MLPH: variants seen among roughly 807,000 people sequenced by gnomAD.
MLPH encodes melanophilin, also known as exophilin-3.
A neutral mutation model predicts 72.1 loss-of-function variants in MLPH; 51 were observed. The ratio of observed to expected loss-of-function variants is 0.71; its 90% CI spans 0.56 to 0.89. The LOEUF (loss-of-function observed/expected upper bound fraction) is 0.89. Ranked by LOEUF, MLPH falls within the 40% of genes least tolerant of loss-of-function variation. The probability of loss-of-function intolerance (pLI) is 0.00; values close to 1 mark genes in which losing one functional copy is unlikely to be tolerated. For synonymous variants in MLPH, 301 were observed against 310.1 expected, an observed-to-expected ratio of 0.97 and a Z score of 0.31; for missense variants, 743 against 759.9, an observed-to-expected ratio of 0.98 and a Z score of 0.26.
At chr2:237,513,344 G>A (rs1054339153) in intron 4 of MLPH, among the ~76,000 whole-genome samples, 2 of 152,096 alleles carry the variant, frequency 1.3e-5, no homozygotes, top group Admixed American at 1.3e-4. Context: ...TGGACTGGTC[G>A]CTGGGCACCC....
At chr2:237,504,051 C>T (rs114987205) in intron 2 of MLPH, among the ~76,000 whole-genome samples, 5,202 of 152,192 alleles carry the variant, frequency 0.034, 298 homozygotes, top group African/African-American at 0.12. Flanking sequence ...ACCTGAAGCC[C>T]TCAAGAAGCT....
chr2:237,545,403 T>C (rs2080893575), intron 12 of MLPH: 2 of 1,256,014 alleles, frequency 1.6e-6, no homozygotes, highest in South Asian at 2.6e-5. Context: ...TAGCCAGCTG[T>C]GCCTTTGTTG....
At chr2:237,527,735 T>C (rs560726839) in intron 8 of MLPH, 30 of 622,954 alleles carry the variant, frequency 4.8e-5, no homozygotes, top group Non-Finnish European at 6.5e-5. Flanking sequence ...TCCCCAAAAA[T>C]TAAAAATCGA....
chr2:237,520,276 G>A (rs2080152101), intron 6 of MLPH, among the ~76,000 whole-genome samples: 1 of 152,158 alleles, frequency 6.6e-6, no homozygotes, highest in South Asian at 2.1e-4. Flanking sequence ...GGCGATGCAG[G>A]GCCCTGAGAC....
At chr2:237,491,689 G>C (rs1210147949) in intron 1 of MLPH, among the ~76,000 whole-genome samples, 3 of 152,190 alleles carry the variant, frequency 2.0e-5, no homozygotes, top group East Asian at 1.9e-4. Context: ...CAGTGTCCCA[G>C]TGTGCATGCA....
chr2:237,531,070 G>A lies in MLPH; in HGVS notation c.1021-3494G>A, dbSNP rs541850051. On this transcript the variant is annotated intron_variant, in intron 8 of 15. Coordinates refer to ENST00000264605, the MANE Select transcript of MLPH (RefSeq NM_024101.7). ...CGGCTGCAAGTATCCTGTGTCATGC[G>A]GCAGCTGGGGGGTCCCAGAAAGCAT... Among the ~76,000 whole-genome samples, 12 of 152,300 alleles carry A rather than the reference G, an allele frequency of 7.9e-5. No homozygotes were observed. The South Asian group carries it at 1.5e-3, about 18-fold the overall frequency.
chr2:237,518,758 A>G, intron 5 of MLPH, 110 bp downstream of exon 5: 1 of 799,148 alleles, frequency 1.3e-6, no homozygotes, highest in Admixed American at 2.0e-5. Flanking sequence ...CAACTCCACT[A>G]GTTTCTACTG....
intron 14 of MLPH, among the ~76,000 whole-genome samples, chr2:237,551,198 C>T (rs1317540040): frequency 1.3e-5 from 2 of 152,246 alleles, no homozygotes; most frequent in Admixed American, 6.5e-5. Flanking sequence ...GCTCAGGAGT[C>T]GTGATCCCTC....
Position 237,520,034 on chromosome 2 carries a change from G to A in MLPH, c.675+5G>A, listed in dbSNP as rs1243575712. The A allele has an allele frequency of 6.2e-7, 1 of 1,613,756 alleles. No individual in the cohort carries two copies. Among genetic ancestry groups the A allele is most frequent in the Admixed American group, 1.7e-5 (1 of 60,006 alleles). On this transcript the variant is annotated splice_donor_5th_base_variant and intron_variant, in intron 6 of 15. Transcript: ENST00000264605. ...GAGGCCAGGGACAGCCCACAGGTCAGTGGGTCCTCGTGTCTTTCCCCTGCC... is the reference window on the plus strand; with the variant it reads ...GAGGCCAGGGACAGCCCACAGGTCAATGGGTCCTCGTGTCTTTCCCCTGCC...
chr2:237,508,260 C>T (rs1348411404), intron 2 of MLPH, among the ~76,000 whole-genome samples: 1 of 152,060 alleles, frequency 6.6e-6, no homozygotes, highest in Non-Finnish European at 1.5e-5. Context: ...TACAGGTGTC[C>T]ACCACTGTGC....
At chr2:237,520,131 G>C (rs1160531425) in intron 6 of MLPH, 102 bp downstream of exon 6, 1 of 1,509,474 alleles carries the variant, frequency 6.6e-7, no homozygotes. Context: ...AGTGTCTGAT[G>C]GCCACACAGT....
intron 5 of MLPH, among the ~76,000 whole-genome samples, chr2:237,519,304 C>T (rs528527358): frequency 7.0e-4 from 107 of 152,190 alleles, no homozygotes; most frequent in African/African-American, 2.4e-3. Flanking sequence ...CAACTCTTTG[C>T]GGCTGCTGTG....
At chr2:237,500,186 C>T (rs1021061359) in intron 2 of MLPH, among the ~76,000 whole-genome samples, 1 of 152,214 alleles carries the variant, frequency 6.6e-6, no homozygotes, top group African/African-American at 2.4e-5. Context: ...GCTGGAACTT[C>T]TTGGACTCTT....
Position 237,540,441 on chromosome 2 carries a change from G to C in MLPH, c.1198G>C (p.Glu400Gln), listed in dbSNP as rs772363110. The change falls in exon 10 of 16, where the codon GAG becomes CAG. Residue 400 changes from glutamate (E) to glutamine (Q), a missense_variant. By Grantham distance (29) the Glu-to-Gln change is conservative. Transcript: ENST00000264605. ...EELTSNVSDQ[E>Q]TSSEEEEAKD... ...GCTGACCAGCAACGTCAGTGACCAG[G>C]AGACCTCGTCCGAGGAGGAGGAAGC... 1.9e-6 allele frequency: 3 copies of C among 1,612,722 alleles called. No homozygotes were observed. The highest frequency in any genetic ancestry group is 2.5e-6 in the Non-Finnish European group (3 of 1,179,352).
intron 8 of MLPH, among the ~76,000 whole-genome samples, chr2:237,534,080 G>A (rs1423252269): frequency 1.3e-5 from 2 of 152,210 alleles, no homozygotes; most frequent in Non-Finnish European, 2.9e-5. Context: ...TGACTCAAGG[G>A]ATGAGGAAGT....
intron 6 of MLPH, among the ~76,000 whole-genome samples, chr2:237,521,058 A>G (rs2080171712): frequency 6.6e-6 from 1 of 152,120 alleles, no homozygotes; most frequent in African/African-American, 2.4e-5. Flanking sequence ...TGTTTGGGGG[A>G]ATGAAGCAGG....
At chr2:237,551,039 G>A (rs889265082) in intron 14 of MLPH, among the ~76,000 whole-genome samples, 6 of 152,230 alleles carry the variant, frequency 3.9e-5, no homozygotes, top group Non-Finnish European at 8.8e-5. Flanking sequence ...GCTGAGGCCT[G>A]ACCCTTCACA....
At chr2:237,516,342 G>A (rs2080017215) in intron 4 of MLPH, among the ~76,000 whole-genome samples, 1 of 152,178 alleles carries the variant, frequency 6.6e-6, no homozygotes, top group South Asian at 2.1e-4. Context: ...GGCTGTGCTA[G>A]GGAGGCCAGG....
chr2:237,552,046 C>A, intron 14 of MLPH: 1 of 406,786 alleles, frequency 2.5e-6, no homozygotes, highest in Non-Finnish European at 4.5e-6. Context: ...CACACCAGTG[C>A]AGTGTGATGG....
Sources: gnomAD v4.1 joint callset for allele counts (sites outside exome capture counted in the v4.1 genomes callset) on GRCh38, gnomAD v4.1.1 for gene constraint, MANE v1.5 for transcripts, NCBI Gene and HGNC (gene_info 2026-07-23, HGNC 2026-07-21) for gene names.